The following NEK9 variants were observed in gnomAD, a reference collection of about 807,000 sequenced individuals.
NEK9 encodes serine/threonine-protein kinase Nek9.
Under a neutral mutation model 123.4 loss-of-function variants are expected in NEK9, and 75 were observed. The ratio of observed to expected loss-of-function variants is 0.61; its 90% CI spans 0.50 to 0.74. NEK9 has a LOEUF of 0.74. Ranked by LOEUF, NEK9 falls within the 30% of genes least tolerant of loss-of-function variation. The pLI, the probability that NEK9 is intolerant of heterozygous loss-of-function variation, is 0.00. For missense variants in NEK9, 952 were observed against 1,214.4 expected, an observed-to-expected ratio of 0.78 and a Z score of 3.21; for synonymous variants, 438 against 458.7, an observed-to-expected ratio of 0.95 and a Z score of 0.58.
In NEK9 at chr14:75,095,359, C is replaced by T; in HGVS notation, c.2233+13G>A. 6.2e-7 allele frequency: 1 copy of T among 1,601,824 alleles called. No homozygotes were observed. The highest frequency in any genetic ancestry group is 2.2e-5 in the East Asian group (1 of 44,786). On this transcript the variant is annotated intron_variant, in intron 18 of 21. Coordinates refer to ENST00000238616, the MANE Select transcript of NEK9 (RefSeq NM_033116.6). ...TTCAGAAAACCACTGGTACCTGAAA[C>T]ATTGGTACTTACCAGTTCCAATGGA...
chr14:75,101,452 T>G (rs1894576800), intron 15 of NEK9, among the ~76,000 whole-genome samples: 1 of 152,234 alleles, frequency 6.6e-6, no homozygotes, highest in Non-Finnish European at 1.5e-5. Context: ...TCTGGAATCA[T>G]AGGTGTGGTG....
chr14:75,105,988 C>G lies in NEK9; in HGVS notation c.1537G>C (p.Gly513Arg), dbSNP rs1487043808. The G allele has an allele frequency of 4.3e-6, 7 of 1,613,192 alleles. No homozygotes were observed. Among genetic ancestry groups the G allele is most frequent in the Non-Finnish European group, 5.9e-6 (7 of 1,179,336 alleles). ...SWGCGEYGRL[G>R]LDSEEDYYTP... ...TAATAATCCTCTTCTGAATCCAAAC[C>G]CAGTCGTCCTGAAACACACATAAGA... The change falls in exon 13 of 22, where the codon GGT becomes CGT. Residue 513 changes from glycine to arginine, a missense_variant. Gly to Arg is a moderately radical substitution (Grantham distance 125, BLOSUM62 -2). This residue lies in a region of NEK9 where 698 missense variants were observed against 875.6 expected (regional missense o/e 0.80). Transcript: ENST00000238616.
At chr14:75,121,400 TA>T (rs911869427) in intron 2 of NEK9, among the ~76,000 whole-genome samples, 1 of 152,084 alleles carries the variant, frequency 6.6e-6, no homozygotes, top group Non-Finnish European at 1.5e-5. Context: ...GAGGCGTAAT[TA>T]AAAAAAAGAC....
At chr14:75,088,398 C>T (rs1894093223) in intron 20 of NEK9, 82 bp downstream of exon 20, 1 of 1,436,072 alleles carries the variant, frequency 7.0e-7, no homozygotes, top group Non-Finnish European at 9.6e-7. Context: ...AACCCAAAAG[C>T]TAGAGCGAGG....
At chr14:75,117,047 CAT>C in intron 6 of NEK9, 146 bp downstream of exon 6, 1 of 952,556 alleles carries the variant, frequency 1.0e-6, no homozygotes, top group Non-Finnish European at 1.5e-6. Flanking sequence ...GGGTCTATAG[CAT>C]TTTAGTAATA....
intron 8 of NEK9, among the ~76,000 whole-genome samples, chr14:75,112,165 A>G (rs1413690929): frequency 6.6e-6 from 1 of 152,236 alleles, no homozygotes; most frequent in African/African-American, 2.4e-5. Flanking sequence ...CAAATATGCA[A>G]TTAGGGATGT....
In NEK9 at chr14:75,084,211, A is replaced by G. The variant is rs1022364939; in HGVS notation, c.*353T>C. ...AGGCAGCTTCCAATCAATGGTGAAA[A>G]TGATACATGGGATATAAGCTGCTAC... On this transcript the variant is annotated 3_prime_UTR_variant, in exon 22 of 22. Transcript: ENST00000238616. 9.9e-6 allele frequency: 2 copies of G among 202,864 alleles called. No individual in the cohort carries two copies. The highest frequency in any genetic ancestry group is 2.3e-5 in the African/African-American group (1 of 43,730). 12.6% of individuals were successfully genotyped at this position (202,864 alleles called of 1,614,324 possible). A position where few individuals can be genotyped will look rare whatever the true frequency, so the allele number is the denominator to read the frequency against.
At chr14:75,105,282 T>C (rs1217821695) in intron 13 of NEK9, among the ~76,000 whole-genome samples, 1 of 150,754 alleles carries the variant, frequency 6.6e-6, no homozygotes, top group Non-Finnish European at 1.5e-5. Flanking sequence ...AAATAAAAAC[T>C]GGTTTGGCTA....
chr14:75,094,337 T>G (rs1346386394), intron 18 of NEK9, among the ~76,000 whole-genome samples: 1 of 152,226 alleles, frequency 6.6e-6, no homozygotes, highest in Non-Finnish European at 1.5e-5. Context: ...CGGATTGCAG[T>G]GGCTATTCAT....
chr14:75,093,675 T>C (rs1157923690), intron 18 of NEK9, among the ~76,000 whole-genome samples: 2 of 152,172 alleles, frequency 1.3e-5, no homozygotes, highest in Non-Finnish European at 2.9e-5. Context: ...CACGATACTC[T>C]CAATCTCCTG....
At position 75,124,078 on chromosome 14, in the gene NEK9, GTATTGTCCATGA is replaced by G; in HGVS notation, c.353_364del (p.Phe118_Thr122delinsSer). 1 of 1,613,720 alleles carries G rather than the reference GTATTGTCCATGA, an allele frequency of 6.2e-7. No homozygotes were observed. Among genetic ancestry groups the G allele is most frequent in the Non-Finnish European group, 8.5e-7 (1 of 1,179,674 alleles). On this transcript the variant is annotated inframe_deletion, in exon 2 of 22. Coordinates refer to ENST00000238616, the MANE Select transcript of NEK9 (RefSeq NM_033116.6). ...ATATTCCAGCTCAATCAGCAGCGTG[GTATTGTCCATGA>G]AGTGATTGTAGTAGGCAATAATGTT...
At chr14:75,113,710 G>T (rs1895034833) in intron 7 of NEK9, among the ~76,000 whole-genome samples, 1 of 152,154 alleles carries the variant, frequency 6.6e-6, no homozygotes, top group African/African-American at 2.4e-5. Context: ...TATCCACAGA[G>T]ATTCTGATTG....
chr14:75,102,748 A>G lies in NEK9; in HGVS notation c.1732-983T>C, dbSNP rs57597632. Reference sequence around the variant, plus strand: ...AAAATCACTACTTTAGAGATTGCTTAAAAATTAATTCTTACCTTTTTCATT... The same window carrying G: ...AAAATCACTACTTTAGAGATTGCTTGAAAATTAATTCTTACCTTTTTCATT... On this transcript the variant is annotated intron_variant, in intron 14 of 21. Transcript: ENST00000238616. Among the ~76,000 whole-genome samples the G allele has an allele frequency of 5.1e-3, 776 of 152,326 alleles. 4 individuals carry two copies. The highest frequency in any genetic ancestry group is 0.016 in the African/African-American group (681 of 41,580).
Position 75,118,890 on chromosome 14 carries a change from T to C in NEK9, c.570A>G (p.Ile190Met), listed in dbSNP as rs1895227400. The change falls in exon 5 of 22, where the codon ATA (isoleucine) becomes ATG (methionine). Residue 190 changes from isoleucine to methionine, a missense_variant. By Grantham distance (10) the Ile-to-Met change is conservative (BLOSUM62 1). Around this residue, in one of 4 missense-constraint regions of NEK9, gnomAD observed 106 missense variants for 153.0 expected, o/e 0.69. Coordinates refer to ENST00000238616, the MANE Select transcript of NEK9 (RefSeq NM_033116.6). ...TTGCTAGGCCATAATCTCCAAGTTT[T>C]ATCAGGTTTGCCTTGGTCAGAAAAA... ...LNIFLTKANL[I>M]KLGDYGLAKK... is the part of the protein sequence containing the mutation. 1 of 1,610,926 alleles carries C rather than the reference T, an allele frequency of 6.2e-7. No individual in the cohort carries two copies. Among genetic ancestry groups the C allele is most frequent in the African/African-American group, 1.3e-5 (1 of 74,870 alleles).
chr14:75,108,587 C>CTCTG, intron 10 of NEK9, among the ~76,000 whole-genome samples: 1 of 150,984 alleles, frequency 6.6e-6, no homozygotes, highest in Middle Eastern at 3.4e-3. Context: ...CAAGGTCTTG[C>CTCTG]TCTGTCACTC....
intron 8 of NEK9, among the ~76,000 whole-genome samples, chr14:75,112,602 T>C (rs897125213): frequency 5.3e-5 from 8 of 152,252 alleles, no homozygotes; most frequent in East Asian, 3.9e-4. Flanking sequence ...GGCAGGAGGA[T>C]TGCTTAGGCA....
chr14:75,120,456 G>A (rs1895289687), intron 4 of NEK9, 54 bp downstream of exon 4: 2 of 1,284,084 alleles, frequency 1.6e-6, no homozygotes, highest in Admixed American at 1.9e-5. Flanking sequence ...GGTATCCACG[G>A]TAGGGGCTGA....
At chr14:75,092,546 C>T (rs942245130) in intron 18 of NEK9, among the ~76,000 whole-genome samples, 2 of 152,238 alleles carry the variant, frequency 1.3e-5, no homozygotes, top group Non-Finnish European at 2.9e-5. Flanking sequence ...GGATTACAGG[C>T]GTCAGCCACT....
intron 19 of NEK9, among the ~76,000 whole-genome samples, chr14:75,090,026 T>G (rs549401958): frequency 2.0e-5 from 3 of 152,040 alleles, no homozygotes; most frequent in Non-Finnish European, 4.4e-5. Context: ...GAGATGGGGT[T>G]TCACCATGAT....
Sources: gnomAD v4.1 joint callset for allele counts (sites outside exome capture counted in the v4.1 genomes callset) on GRCh38, gnomAD v4.1.1 for gene constraint, gnomAD v4.1.1 regional missense constraint, MANE v1.5 for transcripts, NCBI Gene and HGNC (gene_info 2026-07-23, HGNC 2026-07-21) for gene names.